Variants in GABRG3 observed in about 807,000 individuals in gnomAD.
GABRG3 encodes gamma-aminobutyric acid receptor subunit gamma-3.
GABRG3 carries 25 observed loss-of-function variants against 48.8 expected under a neutral mutation model. The observed-to-expected ratio is 0.51, with a 90% confidence interval of 0.37 to 0.72. The LOEUF (loss-of-function observed/expected upper bound fraction) is 0.72. GABRG3 is among the 30% of genes least tolerant of loss of function. GABRG3 has a pLI of 0.00. For synonymous variants in GABRG3, 227 were observed against 217.6 expected (o/e 1.04, Z -0.38); for missense variants, 394 against 577.9 (o/e 0.68, Z 3.26).
intron 3 of GABRG3, among the ~76,000 whole-genome samples, chr15:27,165,478 A>G (rs902097266): frequency 2.0e-5 from 3 of 152,096 alleles, no homozygotes; most frequent in Admixed American, 2.0e-4. Flanking sequence ...TGCTTTATCC[A>G]CCTTAAAACC....
intron 5 of GABRG3, among the ~76,000 whole-genome samples, chr15:27,388,162 G>A (rs1006764045): frequency 1.9e-3 from 46 of 23,620 alleles, no homozygotes; most frequent in South Asian, 2.2e-3. Context: ...AAGGAAGAAA[G>A]GAAGGAAGGA....
At chr15:27,138,863 C>T (rs1898053945) in intron 3 of GABRG3, among the ~76,000 whole-genome samples, 2 of 152,118 alleles carry the variant, frequency 1.3e-5, no homozygotes, top group African/African-American at 4.8e-5. Context: ...TCCTGGTGTT[C>T]CAAAATTTTA....
chr15:27,205,734 G>A (rs1204237774), intron 3 of GABRG3, among the ~76,000 whole-genome samples: 1 of 150,400 alleles, frequency 6.6e-6, no homozygotes, highest in Non-Finnish European at 1.5e-5. Flanking sequence ...TTTTATTACT[G>A]ATTCAATTTT....
chr15:27,493,475 T>G (rs1037103057), intron 6 of GABRG3, among the ~76,000 whole-genome samples: 4 of 152,194 alleles, frequency 2.6e-5, no homozygotes, highest in South Asian at 2.1e-4. Flanking sequence ...GTACGATTGA[T>G]GTTATTTTAA....
chr15:27,181,060 A>G (rs1281900010), intron 3 of GABRG3, among the ~76,000 whole-genome samples: 1 of 152,228 alleles, frequency 6.6e-6, no homozygotes, highest in Admixed American at 6.5e-5. Context: ...CTGACCTTGA[A>G]TAAATAAATA....
In GABRG3 at chr15:27,369,732, G is replaced by A. The variant is rs558550675; in HGVS notation, c.574+40844G>A. The stretch of plus-strand genomic sequence containing the variant: ...TGAGGCAGGAGAATGGCGTGAACCC[G>A]GGAGGTGGAGGTTGCAGTGAGCTGA... On this transcript the variant is annotated intron_variant, in intron 5 of 9. Coordinates refer to ENST00000615808, the MANE Select transcript of GABRG3 (RefSeq NM_033223.5). 1.1e-4 allele frequency among the ~76,000 whole-genome samples: 17 copies of A among 150,220 alleles called. No individual in the cohort carries two copies. The South Asian group carries it at 1.3e-3, about 11-fold the overall frequency.
At chr15:27,284,988 G>A (rs1211152019) in intron 3 of GABRG3, among the ~76,000 whole-genome samples, 2 of 152,104 alleles carry the variant, frequency 1.3e-5, no homozygotes, top group Non-Finnish European at 2.9e-5. Flanking sequence ...TCTAATGCCT[G>A]TATTATTTCC....
intron 3 of GABRG3, among the ~76,000 whole-genome samples, chr15:27,248,797 CACACACAGAGAGAG>C (rs1890347455): frequency 8.9e-6 from 1 of 112,086 alleles, no homozygotes; most frequent in African/African-American, 4.0e-5. Flanking sequence ...CACACACACA[CACACACAGAGAGAG>C]AGAGAGAGAG....
At chr15:27,257,155 C>T (rs1435308804) in intron 3 of GABRG3, among the ~76,000 whole-genome samples, 3 of 152,002 alleles carry the variant, frequency 2.0e-5, no homozygotes, top group Admixed American at 6.6e-5. Flanking sequence ...TGCATTTCTT[C>T]GATGATTAGT....
At chr15:27,519,123 G>C (rs112119142) in intron 6 of GABRG3, among the ~76,000 whole-genome samples, 4,074 of 152,208 alleles carry the variant, frequency 0.027, 88 homozygotes, top group Non-Finnish European at 0.037. Context: ...GGTGGATTTC[G>C]GGCACTGGAT....
At chr15:27,491,845 C>T (rs1380985123) in intron 6 of GABRG3, among the ~76,000 whole-genome samples, 2 of 152,182 alleles carry the variant, frequency 1.3e-5, no homozygotes, top group Non-Finnish European at 2.9e-5. Flanking sequence ...TCCCTGTAGT[C>T]GTACTTCAAA....
chr15:27,149,354 A>G (rs1222764585), intron 3 of GABRG3, among the ~76,000 whole-genome samples: 2 of 152,208 alleles, frequency 1.3e-5, no homozygotes, highest in South Asian at 4.1e-4. Context: ...AAATAAATGG[A>G]AAGACAGCTC....
At chr15:27,299,582 G>C (rs1342581148) in intron 3 of GABRG3, among the ~76,000 whole-genome samples, 2 of 152,164 alleles carry the variant, frequency 1.3e-5, no homozygotes, top group African/African-American at 4.8e-5. Context: ...CTAATCCTTA[G>C]AGGATGTTTA....
intron 3 of GABRG3, among the ~76,000 whole-genome samples, chr15:27,156,706 A>G (rs1164161265): frequency 6.6e-6 from 1 of 152,204 alleles, no homozygotes; most frequent in East Asian, 1.9e-4. Context: ...TGTTTTCTTG[A>G]CAAGAGAAAT....
At chr15:27,438,793 A>T (rs1888695530) in intron 5 of GABRG3, among the ~76,000 whole-genome samples, 1 of 152,102 alleles carries the variant, frequency 6.6e-6, no homozygotes, top group Non-Finnish European at 1.5e-5. Context: ...GTACATTATG[A>T]TTTTCTATAA....
intron 3 of GABRG3, chr15:27,158,076 T>G (rs1213028773): frequency 2.0e-5 from 3 of 152,006 alleles, no homozygotes; most frequent in African/African-American, 7.2e-5. Flanking sequence ...CTCTCCGGGT[T>G]TTTTCCTTTG....
Position 26,976,730 on chromosome 15 carries a change from C to T in GABRG3, c.54-272C>T, listed in dbSNP as rs373719778. Among the ~76,000 whole-genome samples, 13 of 152,060 alleles carry T rather than the reference C, an allele frequency of 8.5e-5. No individual in the cohort carries two copies. The highest frequency in any genetic ancestry group is 1.5e-4 in the Non-Finnish European group (10 of 68,014). On this transcript the variant is annotated intron_variant, in intron 1 of 9. Coordinates refer to ENST00000615808, the MANE Select transcript of GABRG3 (RefSeq NM_033223.5). This position sits in a 1 kb window ranked among gnomAD's most constrained non-coding sequence, Gnocchi z 7.8. ...GCCCTCTGGTGTTGTTTACCTGCCA[C>T]GTTGTCTGTAGTTTAACTGGGATGG... is the stretch of plus-strand genomic sequence containing the variant.
chr15:27,400,209 T>C (rs1173055434), intron 5 of GABRG3, among the ~76,000 whole-genome samples: 1 of 152,232 alleles, frequency 6.6e-6, no homozygotes, highest in East Asian at 1.9e-4. Context: ...AACGCTAAAA[T>C]GAATACTCAC....
intron 2 of GABRG3, among the ~76,000 whole-genome samples, chr15:26,978,783 T>C (rs1417292709): frequency 1.3e-5 from 2 of 152,236 alleles, no homozygotes; most frequent in Non-Finnish European, 2.9e-5. Flanking sequence ...TATTCCTCCT[T>C]TTCAACATTA....
Sources: gnomAD v4.1 joint callset for allele counts (sites outside exome capture counted in the v4.1 genomes callset) on GRCh38, gnomAD v4.1.1 for gene constraint, Gnocchi (gnomAD v3.1) non-coding constraint, MANE v1.5 for transcripts, NCBI Gene and HGNC (gene_info 2026-07-23, HGNC 2026-07-21) for gene names.